Variants in PTPRM observed in about 807,000 individuals in gnomAD.
PTPRM encodes protein tyrosine phosphatase receptor type M, also known as receptor-type tyrosine-protein phosphatase mu.
A neutral mutation model predicts 186.7 loss-of-function variants in PTPRM; 47 were observed. The ratio of observed to expected loss-of-function variants is 0.25; its 90% CI spans 0.20 to 0.32. The LOEUF is 0.32. Ranked by LOEUF, PTPRM falls within the 10% of genes least tolerant of loss-of-function variation. The probability of loss-of-function intolerance (pLI) is 1.00; values close to 1 mark genes in which losing one functional copy is unlikely to be tolerated. For synonymous variants in PTPRM, 668 were observed against 674.9 expected, an observed-to-expected ratio of 0.99 and a Z score of 0.16; for missense variants, 1,494 against 1,865.0, an observed-to-expected ratio of 0.80 and a Z score of 3.66.
chr18:8,217,059 T>C (rs2094096465), intron 14 of PTPRM, among the ~76,000 whole-genome samples: 2 of 152,238 alleles, frequency 1.3e-5, no homozygotes, highest in Admixed American at 1.3e-4. Flanking sequence ...ATCTCTTTCA[T>C]TTAATACTGT....
intron 26 of PTPRM, chr18:8,376,824 C>G: frequency 2.0e-6 from 1 of 503,346 alleles, no homozygotes; most frequent in Non-Finnish European, 3.4e-6. Flanking sequence ...ATCAAGAGCC[C>G]AAATTTGCAC....
chr18:8,376,417 G>A (rs748292258), intron 25 of PTPRM, 45 bp from the exon 26 acceptor site: 3 of 1,613,014 alleles, frequency 1.9e-6, no homozygotes, highest in Non-Finnish European at 2.5e-6. Context: ...AGCAGCAGCA[G>A]TGTGGTCCTT....
chr18:7,853,368 A>G (rs1159477404), intron 2 of PTPRM, among the ~76,000 whole-genome samples: 2 of 152,186 alleles, frequency 1.3e-5, no homozygotes, highest in Non-Finnish European at 1.5e-5. Context: ...TCCCTTTTGC[A>G]GGTGGAGTTG....
At position 8,406,536 on chromosome 18, in the gene PTPRM, G is replaced by T; in HGVS notation, c.*374G>T. On this transcript the variant is annotated 3_prime_UTR_variant, in exon 33 of 33. Coordinates refer to ENST00000580170, the MANE Select transcript of PTPRM (RefSeq NM_001105244.2). ...TTGTTACAGCTGAGTGTATGTTTTT[G>T]TTCTGTGGAGAATGCTATCTGGCAT... is the stretch of plus-strand genomic sequence containing the variant. 5.1e-6 allele frequency: 1 copy of T among 197,540 alleles called. No individual in the cohort carries two copies. Among genetic ancestry groups the T allele is most frequent in the Non-Finnish European group, 1.0e-5 (1 of 95,980 alleles). The allele number at this position is 197,540 out of a possible 1,614,324, so 12.2% of individuals were successfully genotyped here.
At chr18:8,198,605 G>A (rs775359301) in intron 14 of PTPRM, among the ~76,000 whole-genome samples, 1 of 152,152 alleles carries the variant, frequency 6.6e-6, no homozygotes, top group Non-Finnish European at 1.5e-5. Flanking sequence ...TCCACTGTCT[G>A]CTCAGTGCTG....
At chr18:7,958,820 A>G (rs1363220442) in intron 7 of PTPRM, among the ~76,000 whole-genome samples, 1 of 152,188 alleles carries the variant, frequency 6.6e-6, no homozygotes, top group East Asian at 1.9e-4. Flanking sequence ...ATAAGTTTTT[A>G]TTACAGTGAA....
At position 7,834,491 on chromosome 18, in the gene PTPRM, T is replaced by TACACACACATACACACACATAC. The variant is rs1555613406; in HGVS notation, c.197-53606_197-53605insTACACACACATACACACACACA. On this transcript the variant is annotated intron_variant, in intron 2 of 32. Transcript: ENST00000580170. ...TAAAATACAGGCCAATATACAAGTA[T>TACACACACATACACACACATAC]ACACACACACACACACACACACACA... Among the ~76,000 whole-genome samples the TACACACACATACACACACATAC allele has an allele frequency of 2.2e-3, 186 of 84,610 alleles. 3 individuals carry two copies. The highest frequency in any genetic ancestry group is 8.5e-3 in the African/African-American group (177 of 20,734). The allele number at this position is 84,610 out of a possible 152,430, so 55.5% of individuals were successfully genotyped here.
chr18:8,181,336 A>G (rs111309383), intron 14 of PTPRM, among the ~76,000 whole-genome samples: 25 of 152,318 alleles, frequency 1.6e-4, no homozygotes, highest in African/African-American at 6.0e-4. Flanking sequence ...ACCAGGCCAT[A>G]GAAAGCGTGG....
At chr18:7,974,886 A>C (rs536588395) in intron 7 of PTPRM, among the ~76,000 whole-genome samples, 1 of 152,230 alleles carries the variant, frequency 6.6e-6, no homozygotes, top group Non-Finnish European at 1.5e-5. Flanking sequence ...AACGTACTTC[A>C]GTAATGACAG....
intron 1 of PTPRM, among the ~76,000 whole-genome samples, chr18:7,594,292 C>G (rs995027873): frequency 6.6e-6 from 1 of 152,060 alleles, no homozygotes; most frequent in African/African-American, 2.4e-5. Context: ...ACCAGCCTGG[C>G]CAACATGGTG....
chr18:8,348,749 T>C (rs1598396527), intron 23 of PTPRM, among the ~76,000 whole-genome samples: 1 of 152,242 alleles, frequency 6.6e-6, no homozygotes, highest in East Asian at 1.9e-4. Flanking sequence ...ACCGGTAATT[T>C]AAGCTAATTA....
intron 8 of PTPRM, among the ~76,000 whole-genome samples, chr18:8,072,150 C>T (rs2089520461): frequency 6.6e-6 from 1 of 151,956 alleles, no homozygotes; most frequent in African/African-American, 2.4e-5. Flanking sequence ...TAATAAACAC[C>T]CCAAAATACC....
intron 3 of PTPRM, among the ~76,000 whole-genome samples, chr18:7,903,983 A>G (rs1017431719): frequency 6.6e-6 from 1 of 152,230 alleles, no homozygotes; most frequent in Admixed American, 6.5e-5. Context: ...GACTCGTTGC[A>G]TTTATGGACA....
chr18:7,617,636 T>C (rs909390074), intron 1 of PTPRM, among the ~76,000 whole-genome samples: 7 of 152,316 alleles, frequency 4.6e-5, no homozygotes, highest in African/African-American at 1.7e-4. Context: ...TCAAAAAACT[T>C]AATTTTAAAG....
intron 13 of PTPRM, among the ~76,000 whole-genome samples, chr18:8,132,477 A>G (rs1413955666): frequency 1.3e-5 from 2 of 152,172 alleles, no homozygotes; most frequent in South Asian, 2.1e-4. Context: ...TAGGACTGCA[A>G]TAGCCATTTT....
intron 14 of PTPRM, among the ~76,000 whole-genome samples, chr18:8,239,907 CA>C (rs1343466117): frequency 1.3e-5 from 2 of 152,142 alleles, no homozygotes; most frequent in African/African-American, 4.8e-5. Context: ...TCATGCAGTG[CA>C]AGTTTGGAGA....
intron 7 of PTPRM, among the ~76,000 whole-genome samples, chr18:8,050,807 A>G (rs567957053): frequency 6.6e-6 from 1 of 152,276 alleles, no homozygotes; most frequent in South Asian, 2.1e-4. Flanking sequence ...AATGTGGGTT[A>G]GCTGTGGCCT....
chr18:8,037,042 G>T lies in PTPRM; in HGVS notation c.1133-32644G>T, dbSNP rs185803469. Among the ~76,000 whole-genome samples the T allele has an allele frequency of 1.0e-3, 157 of 152,278 alleles. 2 individuals carry two copies. The highest frequency in any genetic ancestry group is 1.8e-3 in the Non-Finnish European group (120 of 68,010). ...GAAAGAAATCATTCCCTAAGCAAAT[G>T]AGTCTCTCAGCCAGAAATGAATGAT... On this transcript the variant is annotated intron_variant, in intron 7 of 32. Transcript: ENST00000580170.
At chr18:7,637,032 G>T (rs2038329983) in intron 1 of PTPRM, among the ~76,000 whole-genome samples, 1 of 151,890 alleles carries the variant, frequency 6.6e-6, no homozygotes, top group African/African-American at 2.4e-5. Flanking sequence ...ACCAGGCAAG[G>T]TGGTGCATGT....
Sources: allele counts gnomAD v4.1 joint callset (sites outside exome capture counted in the v4.1 genomes callset), GRCh38; gene constraint gnomAD v4.1.1; transcripts MANE v1.5; gene names NCBI Gene and HGNC (gene_info 2026-07-23, HGNC 2026-07-21).